Variants in LRRC37A2 observed in about 807,000 individuals in gnomAD.
The protein encoded by LRRC37A2 is leucine rich repeat containing 37 member A2, also known as leucine-rich repeat-containing protein 37A2.
LRRC37A2 carries 9 observed loss-of-function variants against 68.8 expected under a neutral mutation model. The observed-to-expected ratio is 0.13, with a 90% CI of 0.08 to 0.23. The LOEUF is 0.23. LRRC37A2 is among the 10% of genes least tolerant of loss of function. LRRC37A2 has a pLI of 1.00. For missense variants in LRRC37A2, 168 were observed against 950.4 expected (o/e 0.18, Z 10.82); for synonymous variants, 63 against 367.6 (o/e 0.17, Z 9.48).
the LRRC37A2 span, among the ~76,000 whole-genome samples, chr17:46,787,780 G>A: frequency 2.0e-5 from 3 of 152,106 alleles, no homozygotes; most frequent in Admixed American, 1.3e-4. Context: ...ATGGCGAAAC[G>A]CCTGTCTCTA....
chr17:46,830,443 GTCT>G, the LRRC37A2 span, among the ~76,000 whole-genome samples: 1 of 152,042 alleles, frequency 6.6e-6, no homozygotes, highest in African/African-American at 2.4e-5. Context: ...TAGAGATGGT[GTCT>G]TCTTCCTACA....
At chr17:46,722,966 A>T in the LRRC37A2 span, among the ~76,000 whole-genome samples, 1 of 152,188 alleles carries the variant, frequency 6.6e-6, no homozygotes, top group Non-Finnish European at 1.5e-5. Flanking sequence ...CAAGAACGTC[A>T]CTACTTGATA....
the LRRC37A2 span, among the ~76,000 whole-genome samples, chr17:46,742,069 T>A: frequency 6.6e-6 from 1 of 152,230 alleles, no homozygotes; most frequent in East Asian, 1.9e-4. Context: ...ACTTGTTATC[T>A]CACTAGCTTA....
chr17:46,989,230 G>A, the LRRC37A2 span, among the ~76,000 whole-genome samples: 1 of 152,198 alleles, frequency 6.6e-6, no homozygotes, highest in Non-Finnish European at 1.5e-5. Flanking sequence ...TTCAGGGTCT[G>A]TGAAGGCAGG....
the LRRC37A2 span, among the ~76,000 whole-genome samples, chr17:46,911,824 A>G: frequency 1.3e-5 from 2 of 152,214 alleles, no homozygotes; most frequent in African/African-American, 4.8e-5. Context: ...CAGAGGTTGC[A>G]GTAAGCCGAG....
At chr17:47,011,572 T>G in the LRRC37A2 span, among the ~76,000 whole-genome samples, 4 of 147,476 alleles carry the variant, frequency 2.7e-5, no homozygotes, top group East Asian at 5.8e-4. Flanking sequence ...AAAAAGTTGT[T>G]TTTTTTTTTT....
the LRRC37A2 span, among the ~76,000 whole-genome samples, chr17:47,047,572 C>T: frequency 6.6e-6 from 1 of 151,386 alleles, no homozygotes; most frequent in Non-Finnish European, 1.5e-5. Context: ...GATGCTTTGC[C>T]CACAGTGATA....
chr17:46,667,553 T>G, the LRRC37A2 span, among the ~76,000 whole-genome samples: 2 of 141,118 alleles, frequency 1.4e-5, no homozygotes, highest in African/African-American at 2.6e-5. Context: ...AGAAAACAAA[T>G]GTTCTTTTGC....
chr17:46,599,966 A>AT, the LRRC37A2 span, among the ~76,000 whole-genome samples: 3 of 102,492 alleles, frequency 2.9e-5, no homozygotes, highest in East Asian at 2.8e-4. Context: ...TTATTTAAAA[A>AT]TTTTTTTTAG....
At chr17:46,996,833 T>C in the LRRC37A2 span, among the ~76,000 whole-genome samples, 36 of 152,310 alleles carry the variant, frequency 2.4e-4, no homozygotes, top group Middle Eastern at 3.4e-3. Context: ...TTATTTATTA[T>C]GATTTTGTCG....
the LRRC37A2 span, among the ~76,000 whole-genome samples, chr17:46,809,438 G>C: frequency 6.6e-6 from 1 of 152,182 alleles, no homozygotes; most frequent in East Asian, 1.9e-4. Flanking sequence ...AGACAGACCT[G>C]GGTGCTTGGT....
At chr17:46,496,612 A>G in the LRRC37A2 span, among the ~76,000 whole-genome samples, 1 of 85,138 alleles carries the variant, frequency 1.2e-5, no homozygotes, top group East Asian at 2.5e-4. Flanking sequence ...CAAAAGAAAA[A>G]AAAAAAAACA....
At chr17:46,392,427 TTCTCTCTTTCTTTCTTTC>T in the LRRC37A2 span, among the ~76,000 whole-genome samples, 2 of 51,628 alleles carry the variant, frequency 3.9e-5, no homozygotes, top group Non-Finnish European at 8.3e-5. Flanking sequence ...CTCTCTTTCT[TTCTCTCTTTCTTTCTTTC>T]TTTCTTTCTT....
chr17:46,906,351 C>T, the LRRC37A2 span, among the ~76,000 whole-genome samples: 8 of 151,938 alleles, frequency 5.3e-5, no homozygotes, highest in Non-Finnish European at 8.8e-5. Flanking sequence ...AGGCCTGAAC[C>T]CTGGCCAGCA....
the LRRC37A2 span, chr17:46,941,950 A>G: frequency 1.0e-6 from 1 of 985,186 alleles, no homozygotes. Flanking sequence ...CTTCTGTCTC[A>G]AAGATGATCA....
At chr17:46,851,458 G>C in the LRRC37A2 span, 10 of 326,888 alleles carry the variant, frequency 3.1e-5, no homozygotes, top group East Asian at 4.8e-4. This position sits in a 1 kb window ranked among gnomAD's most constrained non-coding sequence, Gnocchi z 4.3. Context: ...CGGGGCGAGG[G>C]CGGTGGGGCC....
At chr17:46,750,085 G>T in the LRRC37A2 span, among the ~76,000 whole-genome samples, 2 of 152,312 alleles carry the variant, frequency 1.3e-5, no homozygotes, top group African/African-American at 2.4e-5. Flanking sequence ...AGGCACGGTG[G>T]CTTATGCCTG....
the LRRC37A2 span, among the ~76,000 whole-genome samples, chr17:46,896,456 G>GAA: frequency 8.6e-5 from 10 of 116,862 alleles, no homozygotes; most frequent in Admixed American, 5.9e-4. Flanking sequence ...GAAAGAAAAA[G>GAA]AAAGAAAGAA....
the LRRC37A2 span, among the ~76,000 whole-genome samples, chr17:46,969,872 C>G: frequency 6.6e-6 from 1 of 152,186 alleles, no homozygotes; most frequent in Non-Finnish European, 1.5e-5. Context: ...CCCCTTGCCC[C>G]CTCTCTGGTG....
Sources: allele counts gnomAD v4.1 joint callset (sites outside exome capture counted in the v4.1 genomes callset), GRCh38; gene constraint gnomAD v4.1.1; non-coding constraint Gnocchi (gnomAD v3.1); transcripts MANE v1.5; gene names NCBI Gene and HGNC (gene_info 2026-07-23, HGNC 2026-07-21).